Variants in PPARGC1B observed in about 807,000 individuals in gnomAD.
The protein encoded by PPARGC1B is PPARG coactivator 1 beta, also known as peroxisome proliferator-activated receptor gamma coactivator 1-beta.
Under a neutral mutation model 101.6 loss-of-function variants are expected in PPARGC1B, and 34 were observed. That is an observed-to-expected ratio of 0.33 (90% CI 0.25 to 0.45). The LOEUF (loss-of-function observed/expected upper bound fraction) is 0.45, where lower values mean the gene tolerates loss of function less well. Ranked by LOEUF, PPARGC1B falls within the 20% of genes least tolerant of loss-of-function variation. The pLI is 1.00. For missense variants in PPARGC1B, 1,234 were observed against 1,317.6 expected (o/e 0.94, Z 0.98); for synonymous variants, 548 against 539.3 (o/e 1.02, Z -0.22).
chr5:149,832,195 A>G lies in PPARGC1B; in HGVS notation c.583-461A>G, dbSNP rs750633063. On this transcript the variant is annotated intron_variant, in intron 4 of 11. Transcript: ENST00000309241. This position sits in a 1 kb window ranked among gnomAD's most constrained non-coding sequence, Gnocchi z 4.9. Reference sequence around the variant, plus strand: ...GTGGTGATGCACGCCTGTAATCCCAACTACTCGGGAGGCTGAGGCAGGAGA... The same window carrying G: ...GTGGTGATGCACGCCTGTAATCCCAGCTACTCGGGAGGCTGAGGCAGGAGA... Among the ~76,000 whole-genome samples the G allele has an allele frequency of 6.6e-6, 1 of 151,974 alleles. No individual in the cohort carries two copies. Among genetic ancestry groups the G allele is most frequent in the Non-Finnish European group, 1.5e-5 (1 of 67,980 alleles).
intron 1 of PPARGC1B, among the ~76,000 whole-genome samples, chr5:149,791,831 G>C (rs1757033920): frequency 6.6e-6 from 1 of 152,228 alleles, no homozygotes; most frequent in Non-Finnish European, 1.5e-5. Context: ...AATGAGGGCA[G>C]TATCTCAGTG....
intron 7 of PPARGC1B, among the ~76,000 whole-genome samples, chr5:149,835,809 A>C (rs962414022): frequency 3.3e-5 from 5 of 152,204 alleles, no homozygotes; most frequent in Admixed American, 3.3e-4. Flanking sequence ...ATCACATGCC[A>C]ACTCCAAAGA....
Position 149,836,313 on chromosome 5 carries a change from T to G in PPARGC1B, c.1858T>G (p.Phe620Val), listed in dbSNP as rs771418309. 3.7e-6 allele frequency: 6 copies of G among 1,612,394 alleles called. No individual in the cohort carries two copies. The highest frequency in any genetic ancestry group is 5.1e-6 in the Non-Finnish European group (6 of 1,179,356). The change falls in exon 8 of 12, where the codon TTC becomes GTC. Residue 620 changes from phenylalanine to valine, a missense_variant. By Grantham distance (50) the Phe-to-Val change is conservative (BLOSUM62 -1). This residue lies in a region of PPARGC1B where 497 missense variants were observed against 529.5 expected (regional missense o/e 0.94). Coordinates refer to ENST00000309241, the MANE Select transcript of PPARGC1B (RefSeq NM_133263.4). The part of the protein sequence containing the change: ...PPYKPTEEDP[F>V]KPDIKHSLGK... ...GTACAAGCCCACAGAGGAGGATCCC[T>G]TCAAACCAGACATCAAGCATAGTCT...
intron 1 of PPARGC1B, among the ~76,000 whole-genome samples, chr5:149,778,178 C>T (rs1756464892): frequency 6.6e-6 from 1 of 151,248 alleles, no homozygotes; most frequent in African/African-American, 2.4e-5. Context: ...TACCTGGCTG[C>T]TCGTATCCAT....
rs1055029110 is a variant in PPARGC1B, at chr5:149,837,546, G to C, written c.2618+473G>C. ...ATACCTGGACATAAAGCATTGATAA[G>C]GTTTCTGGGTCATGCTGAGTTGTGC... On this transcript the variant is annotated intron_variant, in intron 8 of 11. Coordinates refer to ENST00000309241, the MANE Select transcript of PPARGC1B (RefSeq NM_133263.4). This position sits in a 1 kb window ranked among gnomAD's most constrained non-coding sequence, Gnocchi z 4.2. 6.6e-6 allele frequency among the ~76,000 whole-genome samples: 1 copy of C among 152,222 alleles called. No homozygotes were observed. The highest frequency in any genetic ancestry group is 2.4e-5 in the African/African-American group (1 of 41,458).
Position 149,815,980 on chromosome 5 carries a change from T to A in PPARGC1B, c.79-4453T>A, listed in dbSNP as rs201911695. 7.9e-5 allele frequency among the ~76,000 whole-genome samples: 12 copies of A among 152,304 alleles called. No individual in the cohort carries two copies. In the East Asian group the frequency reaches 1.9e-3, roughly 24 times the overall value. ...TTGGCATCCAGTAAGGGCTCCATAA[T>A]AGCAGCGGCTGTTAGTTTGTGCTTC... On this transcript the variant is annotated intron_variant, in intron 1 of 11. Transcript: ENST00000309241.
intron 1 of PPARGC1B, among the ~76,000 whole-genome samples, chr5:149,782,520 G>A (rs898429669): frequency 6.6e-6 from 1 of 152,178 alleles, no homozygotes; most frequent in Non-Finnish European, 1.5e-5. Flanking sequence ...GGGCCTGGAC[G>A]GCTGACAGAT....
chr5:149,781,023 G>A (rs190699497), intron 1 of PPARGC1B, among the ~76,000 whole-genome samples: 141 of 152,290 alleles, frequency 9.3e-4, no homozygotes, highest in African/African-American at 3.1e-3. Context: ...GGCCAACATG[G>A]TGAAACCCCC....
At chr5:149,795,511 C>G (rs1290843825) in intron 1 of PPARGC1B, among the ~76,000 whole-genome samples, 1 of 152,166 alleles carries the variant, frequency 6.6e-6, no homozygotes, top group East Asian at 1.9e-4. Context: ...GCTCTGGAAA[C>G]CTGATCTGGA....
Position 149,777,922 on chromosome 5 carries a change from TCACACACACACACACACACACACA to T in PPARGC1B, c.79-42492_79-42469del, listed in dbSNP as rs58159275. On this transcript the variant is annotated intron_variant, in intron 1 of 11. Coordinates refer to ENST00000309241, the MANE Select transcript of PPARGC1B (RefSeq NM_133263.4). ...CCCGGCTGCTCATATCCATGTAGCA[TCACACACACACACACACACACACA>T]CACACACACACACACACAGTATCCG... Among the ~76,000 whole-genome samples the T allele has an allele frequency of 3.2e-3, 37 of 11,610 alleles. 1 individual carries two copies. The highest frequency in any genetic ancestry group is 0.019 in the African/African-American group (36 of 1,868). 7.6% of individuals were successfully genotyped at this position (11,610 alleles called of 152,430 possible). A position where few individuals can be genotyped will look rare whatever the true frequency, so the allele number is the denominator to read the frequency against.
chr5:149,843,934 T>C (rs1759446816), intron 10 of PPARGC1B, among the ~76,000 whole-genome samples: 1 of 152,194 alleles, frequency 6.6e-6, no homozygotes, highest in Non-Finnish European at 1.5e-5. Context: ...ATGCTATGTC[T>C]AAAGTAGTCT....
chr5:149,788,621 G>A (rs1435025851), intron 1 of PPARGC1B, among the ~76,000 whole-genome samples: 3 of 152,284 alleles, frequency 2.0e-5, no homozygotes, highest in East Asian at 3.9e-4. Context: ...AAAGACACAT[G>A]CACATGTATG....
intron 11 of PPARGC1B, 72 bp from the exon 12 acceptor site, chr5:149,847,386 C>G (rs45512103): frequency 8.6e-7 from 1 of 1,168,374 alleles, no homozygotes; most frequent in Non-Finnish European, 1.3e-6. Context: ...GTGGCAGATT[C>G]TTCAACCATC....
At chr5:149,754,979 CTATATA>C (rs1171122372) in intron 1 of PPARGC1B, among the ~76,000 whole-genome samples, 3 of 147,098 alleles carry the variant, frequency 2.0e-5, no homozygotes, top group East Asian at 3.9e-4. Flanking sequence ...AACACACACA[CTATATA>C]TATACACACA....
intron 1 of PPARGC1B, among the ~76,000 whole-genome samples, chr5:149,736,016 C>G (rs1754694443): frequency 6.6e-6 from 1 of 152,158 alleles, no homozygotes; most frequent in Non-Finnish European, 1.5e-5. Context: ...CCCAGCTACT[C>G]AGGAGGCTGA....
intron 2 of PPARGC1B, 104 bp downstream of exon 2, chr5:149,820,710 A>C (rs576695173): frequency 2.5e-6 from 3 of 1,181,508 alleles, no homozygotes; most frequent in Non-Finnish European, 3.6e-6. Flanking sequence ...GCTCATGCAG[A>C]GAAATCCCCT....
At chr5:149,828,012 T>A (rs1413775096) in intron 3 of PPARGC1B, among the ~76,000 whole-genome samples, 1 of 152,160 alleles carries the variant, frequency 6.6e-6, no homozygotes, top group Non-Finnish European at 1.5e-5. Flanking sequence ...GAGTTTGAGC[T>A]GGAAAGGCCC....
chr5:149,799,693 G>GTTGTTGTTGTTT (rs752427488), intron 1 of PPARGC1B, among the ~76,000 whole-genome samples: 18 of 76,462 alleles, frequency 2.4e-4, no homozygotes, highest in African/African-American at 1.0e-3. Flanking sequence ...GCTTGTTGTT[G>GTTGTTGTTGTTT]TTTTTTTTTT....
chr5:149,758,315 T>A (rs990891346), intron 1 of PPARGC1B, among the ~76,000 whole-genome samples: 64 of 152,250 alleles, frequency 4.2e-4, no homozygotes, highest in African/African-American at 1.5e-3. Context: ...CAATCACACA[T>A]CCTCTTGTCT....
Sources: allele counts gnomAD v4.1 joint callset (sites outside exome capture counted in the v4.1 genomes callset), GRCh38; gene constraint gnomAD v4.1.1; regional missense constraint gnomAD v4.1.1; non-coding constraint Gnocchi (gnomAD v3.1); transcripts MANE v1.5; gene names NCBI Gene and HGNC (gene_info 2026-07-23, HGNC 2026-07-21).